AMPH: variants seen among roughly 807,000 people sequenced by gnomAD.
AMPH encodes amphiphysin (Stiff-Mann syndrome with breast cancer 128kD autoantigen).
AMPH carries 49 observed loss-of-function variants against 99.1 expected under a neutral mutation model. The ratio of observed to expected loss-of-function variants is 0.49; its 90% CI spans 0.39 to 0.63. The LOEUF is 0.63. Ranked by LOEUF, AMPH falls within the 20% of genes least tolerant of loss-of-function variation. AMPH has a pLI of 0.00. For synonymous variants in AMPH, 314 were observed against 317.3 expected, an observed-to-expected ratio of 0.99 and a Z score of 0.11; for missense variants, 759 against 863.4, an observed-to-expected ratio of 0.88 and a Z score of 1.52.
Position 38,451,329 on chromosome 7 carries a change from A to G in AMPH, c.1017+9954T>C, listed in dbSNP as rs1349097468. On this transcript the variant is annotated intron_variant, in intron 11 of 20. Coordinates refer to ENST00000356264, the MANE Select transcript of AMPH (RefSeq NM_001635.4). ...CGTGTGTATATACACATATATACAC[A>G]TGTATATATACATATATACGTTATA... Among the ~76,000 whole-genome samples the G allele has an allele frequency of 8.5e-5, 10 of 117,808 alleles. No homozygotes were observed. In the South Asian group the frequency reaches 2.8e-3, roughly 33 times the overall value. 77.3% of individuals were successfully genotyped at this position (117,808 alleles called of 152,430 possible).
chr7:38,547,347 C>T (rs1791028620), intron 1 of AMPH, among the ~76,000 whole-genome samples: 1 of 152,174 alleles, frequency 6.6e-6, no homozygotes, highest in Admixed American at 6.5e-5. Flanking sequence ...CAATCCAACA[C>T]ACTCCTAAAA....
intron 17 of AMPH, among the ~76,000 whole-genome samples, chr7:38,404,002 G>A (rs1257265546): frequency 6.6e-6 from 1 of 152,178 alleles, no homozygotes; most frequent in Non-Finnish European, 1.5e-5. Flanking sequence ...GGACAGACAA[G>A]TCACAGAGCT....
rs550175715 is a variant in AMPH, at chr7:38,530,294, G to C, written c.150+4637C>G. ...CATCTGCTAGAGCATCCAACTCATG[G>C]GAGGCTGGTCTGAATTCTCACCACT... is the stretch of plus-strand genomic sequence containing the variant. On this transcript the variant is annotated intron_variant, in intron 2 of 20. Transcript: ENST00000356264. 8.5e-5 allele frequency among the ~76,000 whole-genome samples: 13 copies of C among 152,304 alleles called. No homozygotes were observed. In the South Asian group the frequency reaches 2.5e-3, roughly 29 times the overall value.
At chr7:38,430,428 GAGA>G (rs1206646750) in intron 13 of AMPH, among the ~76,000 whole-genome samples, 1 of 152,204 alleles carries the variant, frequency 6.6e-6, no homozygotes. Flanking sequence ...TTGCAAAGTT[GAGA>G]AGATTAATAG....
Position 38,384,778 on chromosome 7 carries a change from A to C in AMPH, c.*40T>G. ...TCTTCAGGTTTTCATGAAGGTTTAAAAACCCCGTAACTGAGCTCCTTCTTG... is the reference window on the plus strand; with the variant it reads ...TCTTCAGGTTTTCATGAAGGTTTAACAACCCCGTAACTGAGCTCCTTCTTG... On this transcript the variant is annotated 3_prime_UTR_variant, in exon 21 of 21. Coordinates refer to ENST00000356264, the MANE Select transcript of AMPH (RefSeq NM_001635.4). 449 of 1,543,668 alleles carry C rather than the reference A, an allele frequency of 2.9e-4. No individual in the cohort carries two copies. The highest frequency in any genetic ancestry group is 3.6e-4 in the Non-Finnish European group (403 of 1,117,422).
intron 1 of AMPH, 82 bp from the exon 2 acceptor site, chr7:38,535,093 C>T (rs1360745093): frequency 7.8e-6 from 10 of 1,276,988 alleles, no homozygotes; most frequent in South Asian, 7.4e-5. Flanking sequence ...TGGAGCAAGG[C>T]TGTTGTTTTG....
intron 11 of AMPH, among the ~76,000 whole-genome samples, chr7:38,444,933 G>T (rs1200636759): frequency 6.7e-6 from 1 of 150,090 alleles, no homozygotes; most frequent in Non-Finnish European, 1.5e-5. Flanking sequence ...CTGGCACAAA[G>T]GTAAGCTAAA....
intron 5 of AMPH, among the ~76,000 whole-genome samples, chr7:38,481,740 G>A (rs1428530191): frequency 6.6e-6 from 1 of 152,078 alleles, no homozygotes; most frequent in African/African-American, 2.4e-5. Context: ...AAATTTGCCT[G>A]AGGTTTTAAC....
In AMPH at chr7:38,465,501, C is replaced by G; in HGVS notation, c.715G>C (p.Ala239Pro). 1.3e-6 allele frequency: 2 copies of G among 1,585,244 alleles called. No homozygotes were observed. Among genetic ancestry groups the G allele is most frequent in the South Asian group, 2.3e-5 (2 of 86,750 alleles). The change falls in exon 9 of 21, where the codon GCC becomes CCC. Residue 239 changes from alanine to proline, a missense_variant. Transcript: ENST00000356264. ...CCTTGGATGGTGAAGGCCTTGTCGG[C>G]GTGCTGGTCACCCAGTTTTGTCATC... ...EVMTKLGDQHADKAFTIQGAP... is the reference protein window; with the variant it reads ...EVMTKLGDQHPDKAFTIQGAP...
chr7:38,541,224 T>A (rs144543093), intron 1 of AMPH, among the ~76,000 whole-genome samples: 29 of 152,206 alleles, frequency 1.9e-4, no homozygotes, highest in Non-Finnish European at 3.7e-4. Context: ...GTTCTTATCC[T>A]GTGCTCACCC....
At chr7:38,542,303 T>A (rs147570146) in intron 1 of AMPH, among the ~76,000 whole-genome samples, 1 of 152,216 alleles carries the variant, frequency 6.6e-6, no homozygotes, top group Non-Finnish European at 1.5e-5. Flanking sequence ...GAGACTCGGA[T>A]AAACACCAGA....
At chr7:38,456,955 C>G (rs1787259727) in intron 11 of AMPH, among the ~76,000 whole-genome samples, 1 of 152,204 alleles carries the variant, frequency 6.6e-6, no homozygotes, top group Admixed American at 6.5e-5. Context: ...CAAATGCACC[C>G]TAAGTCATTG....
chr7:38,479,437 A>C (rs1044978823), intron 5 of AMPH, among the ~76,000 whole-genome samples: 2 of 152,110 alleles, frequency 1.3e-5, no homozygotes, highest in African/African-American at 4.8e-5. Flanking sequence ...TATGAAGTGG[A>C]GCTACACAGA....
At chr7:38,511,572 TG>T (rs1789542922) in intron 2 of AMPH, among the ~76,000 whole-genome samples, 1 of 152,050 alleles carries the variant, frequency 6.6e-6, no homozygotes, top group East Asian at 1.9e-4. Flanking sequence ...CAAGAAAGCA[TG>T]AATACTAAAG....
chr7:38,462,211 C>T (rs181684405), intron 10 of AMPH, among the ~76,000 whole-genome samples: 12 of 152,254 alleles, frequency 7.9e-5, no homozygotes, highest in East Asian at 7.7e-4. Context: ...TAATGTTAAG[C>T]GTTCTCGGCG....
intron 2 of AMPH, among the ~76,000 whole-genome samples, chr7:38,533,832 G>A (rs1421360683): frequency 2.0e-5 from 3 of 152,012 alleles, no homozygotes; most frequent in African/African-American, 4.8e-5. Flanking sequence ...CCTCTAAGAT[G>A]ATCTCTAGAT....
At chr7:38,583,770 T>C (rs888811243) in intron 1 of AMPH, among the ~76,000 whole-genome samples, 5 of 152,264 alleles carry the variant, frequency 3.3e-5, no homozygotes, top group African/African-American at 1.2e-4. Flanking sequence ...GTGTCAGCCA[T>C]GCACTGGGTG....
At chr7:38,569,629 C>T (rs749056122) in intron 1 of AMPH, among the ~76,000 whole-genome samples, 1 of 151,668 alleles carries the variant, frequency 6.6e-6, no homozygotes, top group Non-Finnish European at 1.5e-5. Flanking sequence ...AATGAAAACA[C>T]TTTTTTAAAA....
chr7:38,534,689 A>G (rs1326108683), intron 2 of AMPH, among the ~76,000 whole-genome samples: 1 of 152,170 alleles, frequency 6.6e-6, no homozygotes, highest in Non-Finnish European at 1.5e-5. Flanking sequence ...AAACTAAAAT[A>G]TTATAAAAAG....
Sources: gnomAD v4.1 joint callset for allele counts (sites outside exome capture counted in the v4.1 genomes callset) on GRCh38, gnomAD v4.1.1 for gene constraint, MANE v1.5 for transcripts, NCBI Gene and HGNC (gene_info 2026-07-23, HGNC 2026-07-21) for gene names.